The following CAPN7 variants were observed in gnomAD, a reference collection of about 807,000 sequenced individuals.
CAPN7 encodes the protein calpain-7.
CAPN7 carries 72 observed loss-of-function variants against 115.2 expected under a neutral mutation model. The ratio of observed to expected loss-of-function variants is 0.63; its 90% CI spans 0.52 to 0.76. The LOEUF (loss-of-function observed/expected upper bound fraction) is 0.76. Ranked by LOEUF, CAPN7 falls within the 30% of genes least tolerant of loss-of-function variation. CAPN7 has a pLI of 0.00. For missense variants in CAPN7, 905 were observed against 971.5 expected (o/e 0.93, Z 0.91); for synonymous variants, 344 against 322.3 (o/e 1.07, Z -0.72).
At chr3:15,217,363 T>A in intron 2 of CAPN7, 62 bp from the exon 3 acceptor site, 1 of 1,316,450 alleles carries the variant, frequency 7.6e-7, no homozygotes. Flanking sequence ...ATAGTGAAAA[T>A]AGTGTGTTTT....
At chr3:15,222,926 G>A (rs1182399934) in intron 5 of CAPN7, among the ~76,000 whole-genome samples, 1 of 152,144 alleles carries the variant, frequency 6.6e-6, no homozygotes, top group Non-Finnish European at 1.5e-5. Flanking sequence ...GAGAGAAACA[G>A]ATACAAGAAG....
Position 15,245,688 on chromosome 3 carries a change from C to G in CAPN7, c.2010+17C>G. On this transcript the variant is annotated intron_variant, in intron 17 of 20. Transcript: ENST00000253693. The stretch of plus-strand genomic sequence containing the variant: ...ACGGTTCGGGTAAGTAAAACCAACA[C>G]ACAATGACAAAACACAGTAATATAA... 1 of 1,607,262 alleles carries G rather than the reference C, an allele frequency of 6.2e-7. No individual in the cohort carries two copies. Among genetic ancestry groups the G allele is most frequent in the Non-Finnish European group, 8.5e-7 (1 of 1,176,606 alleles).
intron 2 of CAPN7, among the ~76,000 whole-genome samples, chr3:15,213,967 G>A (rs769882694): frequency 8.7e-5 from 13 of 149,922 alleles, no homozygotes; most frequent in African/African-American, 1.7e-4. Flanking sequence ...GCCAAGTTCC[G>A]CCTCCGGGGT....
At position 15,240,797 on chromosome 3, in the gene CAPN7, T is replaced by C. The variant is rs772290955; in HGVS notation, c.1596T>C (p.Asp532=). 1 of 1,613,322 alleles carries C rather than the reference T, an allele frequency of 6.2e-7. No individual in the cohort carries two copies. The highest frequency in any genetic ancestry group is 1.7e-5 in the Admixed American group (1 of 59,996). Reference sequence around the variant, plus strand: ...GGGATGATCTCTGCCAGTATTATGATGTGATTTATTTGAGTTGGAATCCAG... The same window carrying C: ...GGGATGATCTCTGCCAGTATTATGACGTGATTTATTTGAGTTGGAATCCAG... The part of the protein sequence containing the change: ...ISWDDLCQYY[D]VIYLSWNPGL... Residue 532 remains aspartate (D), a synonymous_variant, in exon 14 of 21, where the codon GAT becomes GAC. Transcript: ENST00000253693.
chr3:15,228,918 G>A (rs987717823), intron 7 of CAPN7, 56 bp from the exon 8 acceptor site: 34 of 1,273,630 alleles, frequency 2.7e-5, no homozygotes, highest in Admixed American at 3.5e-5. Context: ...CGTATATTGC[G>A]GTAATGTTGA....
chr3:15,245,452 AT>A, intron 16 of CAPN7, 73 bp from the exon 17 acceptor site: 1 of 1,389,436 alleles, frequency 7.2e-7, no homozygotes. Flanking sequence ...CCAAGTAATT[AT>A]TTTTCCTACA....
rs1452401803 is a variant in CAPN7, at chr3:15,217,443, A to G, written c.230A>G (p.Asp77Gly). ...ATCCTAGTTCAGTCAAAGAGTGCTG[A>G]TCCTTTGAAGTCAAAACATCAGTTG... is the stretch of plus-strand genomic sequence containing the variant. ...LHSAVQSKSA[D>G]PLKSKHQLDL... The change falls in exon 3 of 21, where the codon GAT becomes GGT. Residue 77 changes from aspartate to glycine, a missense_variant. This residue lies in a region of CAPN7 where 271 missense variants were observed against 239.6 expected (regional missense o/e 1.13). Transcript: ENST00000253693. 1 of 1,613,220 alleles carries G rather than the reference A, an allele frequency of 6.2e-7. No homozygotes were observed. Among genetic ancestry groups the G allele is most frequent in the South Asian group, 1.1e-5 (1 of 90,948 alleles).
At chr3:15,244,911 A>T (rs1194098818) in intron 16 of CAPN7, among the ~76,000 whole-genome samples, 1 of 152,158 alleles carries the variant, frequency 6.6e-6, no homozygotes, top group Non-Finnish European at 1.5e-5. Context: ...GTTGAGTGAA[A>T]AATGAAAGAT....
At chr3:15,232,818 G>A (rs115489497) in intron 10 of CAPN7, among the ~76,000 whole-genome samples, 153 bp downstream of exon 10, 32 of 152,280 alleles carry the variant, frequency 2.1e-4, no homozygotes, top group African/African-American at 7.2e-4. Flanking sequence ...GTATTATGGG[G>A]ATATATATAT....
At chr3:15,233,726 A>G (rs1694828898) in intron 10 of CAPN7, 141 bp from the exon 11 acceptor site, 1 of 578,100 alleles carries the variant, frequency 1.7e-6, no homozygotes, top group Non-Finnish European at 3.0e-6. Context: ...AATAAGAAAT[A>G]TATTACTAGT....
In CAPN7 at chr3:15,212,310, A is replaced by G. The variant is rs565083887; in HGVS notation, c.211+98A>G. The G allele has an allele frequency of 2.0e-5, 13 of 640,124 alleles. No individual in the cohort carries two copies. In the Admixed American group the frequency reaches 3.1e-4, roughly 15 times the overall value. The allele number at this position is 640,124 out of a possible 1,614,324, so 39.7% of individuals were successfully genotyped here. A position where few individuals can be genotyped will look rare whatever the true frequency, so the allele number is the denominator to read the frequency against. On this transcript the variant is annotated intron_variant, in intron 2 of 20. Coordinates refer to ENST00000253693, the MANE Select transcript of CAPN7 (RefSeq NM_014296.3). ...TTCTCTTCTTCATTTTTATCTTTGA[A>G]TCTTGATGCTCACTCTGTTGCTGCT...
chr3:15,212,233 C>G (rs1456602333), intron 2 of CAPN7, 21 bp downstream of exon 2: 4 of 1,327,558 alleles, frequency 3.0e-6, no homozygotes, highest in Non-Finnish European at 4.2e-6. Flanking sequence ...GACTACTAAA[C>G]TTGTCACTCT....
chr3:15,227,750 CA>C (rs201989276), intron 6 of CAPN7, 88 bp from the exon 7 acceptor site: 12,965 of 735,932 alleles, frequency 0.018, 1 homozygote, highest in East Asian at 0.027. Context: ...ATCACTAGAC[CA>C]AAAAAAAAAT....
chr3:15,225,143 A>G (rs1305096003), intron 6 of CAPN7, among the ~76,000 whole-genome samples: 2 of 152,218 alleles, frequency 1.3e-5, no homozygotes, highest in Non-Finnish European at 2.9e-5. Flanking sequence ...TTATATAGCA[A>G]GCACTATATA....
chr3:15,250,514 C>CA (rs1695942780), intron 19 of CAPN7, among the ~76,000 whole-genome samples: 1 of 151,978 alleles, frequency 6.6e-6, no homozygotes, highest in Middle Eastern at 3.2e-3. Context: ...ACTAAAAATA[C>CA]AAAAAAATTT....
Position 15,242,180 on chromosome 3 carries a change from T to A in CAPN7, c.1791T>A (p.Asp597Glu). 1 of 1,595,068 alleles carries A rather than the reference T, an allele frequency of 6.3e-7. No individual in the cohort carries two copies. Among genetic ancestry groups the A allele is most frequent in the Non-Finnish European group, 8.5e-7 (1 of 1,172,584 alleles). The change falls in exon 16 of 21, where the codon GAT (aspartate) becomes GAA (glutamate). Residue 597 changes from aspartate to glutamate, a missense_variant and splice_region_variant. Physicochemically the swap from Asp to Glu is conservative, Grantham distance 45 (BLOSUM62 2). Around this residue, in one of 3 missense-constraint regions of CAPN7, gnomAD observed 620 missense variants for 703.4 expected, o/e 0.88. Coordinates refer to ENST00000253693, the MANE Select transcript of CAPN7 (RefSeq NM_014296.3). ...VLLSRHITDK[D>E]DFANNREFIT... ...CATTGGATTCTTTGTGATTTTAGGA[T>A]GATTTTGCGAATAATCGAGAATTTA... is the stretch of plus-strand genomic sequence containing the variant.
At position 15,241,485 on chromosome 3, in the gene CAPN7, A is replaced by ATGCC; in HGVS notation, c.1687_1690dup (p.Tyr564CysfsTer3). ...GATGCTAAGCAAGGACCTGTGAAAGATGCCTATAGCCTGGCCAACAACCCC... is the reference window on the plus strand; with the variant it reads ...GATGCTAAGCAAGGACCTGTGAAAGATGCCTGCCTATAGCCTGGCCAACAACCCC... On this transcript the variant is annotated frameshift_variant, in exon 15 of 21. Transcript: ENST00000253693. LOFTEE classifies it high-confidence loss of function. 1.9e-6 allele frequency: 3 copies of ATGCC among 1,614,100 alleles called. No individual in the cohort carries two copies. The highest frequency in any genetic ancestry group is 2.5e-6 in the Non-Finnish European group (3 of 1,179,976).
intron 18 of CAPN7, 71 bp downstream of exon 18, chr3:15,246,865 C>A: frequency 1.7e-6 from 2 of 1,169,122 alleles, no homozygotes; most frequent in East Asian, 2.4e-5. Context: ...CCATTTCTCT[C>A]ATTTTATTGT....
At chr3:15,235,746 C>T (rs1191171862) in intron 12 of CAPN7, among the ~76,000 whole-genome samples, 1 of 152,202 alleles carries the variant, frequency 6.6e-6, no homozygotes, top group Non-Finnish European at 1.5e-5. Context: ...CTCACTTGCC[C>T]ACTGCTCACC....
Sources: gnomAD v4.1 joint callset for allele counts (sites outside exome capture counted in the v4.1 genomes callset) on GRCh38, gnomAD v4.1.1 for gene constraint, gnomAD v4.1.1 regional missense constraint, MANE v1.5 for transcripts, NCBI Gene and HGNC (gene_info 2026-07-23, HGNC 2026-07-21) for gene names.